The following ADCY2 variants were observed in gnomAD, a reference collection of about 807,000 sequenced individuals.
ADCY2 encodes the protein adenylate cyclase type 2.
Under a neutral mutation model 125.2 loss-of-function variants are expected in ADCY2, and 31 were observed. The ratio of observed to expected loss-of-function variants is 0.25; its 90% CI spans 0.19 to 0.33. ADCY2 has a LOEUF of 0.33. ADCY2 is among the 10% of genes least tolerant of loss of function. The probability of loss-of-function intolerance (pLI) is 1.00; values close to 1 mark genes in which losing one functional copy is unlikely to be tolerated. For synonymous variants in ADCY2, 512 were observed against 548.4 expected, an observed-to-expected ratio of 0.93 and a Z score of 0.93; for missense variants, 904 against 1,418.2, an observed-to-expected ratio of 0.64 and a Z score of 5.82.
chr5:7,804,723 G>A (rs1744704580), intron 22 of ADCY2, 31 bp downstream of exon 22: 2 of 1,564,316 alleles, frequency 1.3e-6, no homozygotes, highest in Admixed American at 3.3e-5. Context: ...AACGGCACAG[G>A]TGAGCCTCAA....
intron 2 of ADCY2, among the ~76,000 whole-genome samples, chr5:7,470,273 T>C (rs1376432051): frequency 6.6e-6 from 1 of 151,736 alleles, no homozygotes; most frequent in Non-Finnish European, 1.5e-5. Flanking sequence ...GTGACCAGGA[T>C]AGTGGTTGTT....
intron 4 of ADCY2, among the ~76,000 whole-genome samples, chr5:7,652,117 A>C (rs1739117712): frequency 6.6e-6 from 1 of 152,178 alleles, no homozygotes; most frequent in African/African-American, 2.4e-5. Context: ...TCTTTTAAAA[A>C]TCACTTTAAC....
intron 4 of ADCY2, among the ~76,000 whole-genome samples, chr5:7,686,086 C>T (rs373401776): frequency 7.2e-5 from 11 of 152,100 alleles, no homozygotes; most frequent in South Asian, 4.1e-4. Context: ...GTTATCCTCC[C>T]GTTTGGAAAG....
intron 14 of ADCY2, among the ~76,000 whole-genome samples, chr5:7,730,932 C>T (rs1208159393): frequency 6.6e-6 from 1 of 152,048 alleles, no homozygotes; most frequent in African/African-American, 2.4e-5. Context: ...CATATCTCTG[C>T]TCAGTTCTGG....
At chr5:7,678,476 G>A (rs1452703579) in intron 4 of ADCY2, among the ~76,000 whole-genome samples, 2 of 152,148 alleles carry the variant, frequency 1.3e-5, no homozygotes, top group Non-Finnish European at 2.9e-5. Flanking sequence ...GGAAATCTAT[G>A]CATGCATATC....
rs11388337 is a variant in ADCY2 at position 7,768,036 on chromosome 5, G to GAA, written c.2214+1240_2214+1241dup. Among the ~76,000 whole-genome samples the GAA allele has an allele frequency of 7.6e-4, 111 of 147,002 alleles. 1 individual carries two copies. Among genetic ancestry groups the GAA allele is most frequent in the Admixed American group, 9.5e-4 (14 of 14,814 alleles). Reference sequence around the variant, plus strand: ...ACAGAGTGAGATTCTGTCTCAAAAAGAAAAAAAAAAAGAAGTGGCTTCTGG... The same window carrying GAA: ...ACAGAGTGAGATTCTGTCTCAAAAAGAAAAAAAAAAAAAGAAGTGGCTTCTGG... On this transcript the variant is annotated intron_variant, in intron 17 of 24. Transcript: ENST00000338316.
At chr5:7,698,747 A>G (rs987046282) in intron 7 of ADCY2, among the ~76,000 whole-genome samples, 1 of 152,184 alleles carries the variant, frequency 6.6e-6, no homozygotes, top group Non-Finnish European at 1.5e-5. Flanking sequence ...ATAGTATTCC[A>G]TGGTGTATAT....
At chr5:7,633,231 G>A (rs911278585) in intron 4 of ADCY2, among the ~76,000 whole-genome samples, 1 of 151,978 alleles carries the variant, frequency 6.6e-6, no homozygotes. Flanking sequence ...AGGAGTTTGA[G>A]ACCAGCCTGG....
At chr5:7,666,232 A>G (rs1224249424) in intron 4 of ADCY2, among the ~76,000 whole-genome samples, 2 of 152,002 alleles carry the variant, frequency 1.3e-5, no homozygotes, top group African/African-American at 4.8e-5. Context: ...CATGTTAAAG[A>G]GGCCATTTCC....
intron 2 of ADCY2, among the ~76,000 whole-genome samples, chr5:7,520,502 G>T (rs140541973): frequency 5.9e-5 from 9 of 152,290 alleles, no homozygotes; most frequent in Middle Eastern, 3.4e-3. Context: ...GAGTGGTTTG[G>T]ATACCAAAGT....
At chr5:7,765,888 C>T (rs374442433) in intron 16 of ADCY2, among the ~76,000 whole-genome samples, 28 of 152,080 alleles carry the variant, frequency 1.8e-4, no homozygotes, top group African/African-American at 6.0e-4. Flanking sequence ...GTGGCTGATC[C>T]GTGGGTATTT....
At chr5:7,539,620 A>G (rs1367247714) in intron 3 of ADCY2, among the ~76,000 whole-genome samples, 1 of 152,238 alleles carries the variant, frequency 6.6e-6, no homozygotes, top group African/African-American at 2.4e-5. Flanking sequence ...GAGTGAGATT[A>G]TGAGCAGCAA....
At chr5:7,397,444 A>AG (rs1002660303) in intron 1 of ADCY2, among the ~76,000 whole-genome samples, 8 of 63,840 alleles carry the variant, frequency 1.3e-4, no homozygotes, top group African/African-American at 3.3e-4. Context: ...TCCACCAGTG[A>AG]GTTTTTTTTT....
At chr5:7,763,242 C>T (rs969543767) in intron 16 of ADCY2, among the ~76,000 whole-genome samples, 10 of 152,018 alleles carry the variant, frequency 6.6e-5, no homozygotes, top group African/African-American at 2.2e-4. Context: ...AGGCGCCCGC[C>T]ACCACGCCCG....
At chr5:7,789,986 G>T (rs561969360) in intron 20 of ADCY2, among the ~76,000 whole-genome samples, 186 bp downstream of exon 20, 1 of 152,230 alleles carries the variant, frequency 6.6e-6, no homozygotes, top group Non-Finnish European at 1.5e-5. Flanking sequence ...AGAGATATCC[G>T]TTGAGAATAG....
intron 4 of ADCY2, among the ~76,000 whole-genome samples, chr5:7,656,080 G>A (rs1185906856): frequency 6.9e-6 from 1 of 145,154 alleles, no homozygotes; most frequent in South Asian, 2.2e-4. Context: ...TTGAGAAGGA[G>A]TTTCACTCTT....
intron 2 of ADCY2, among the ~76,000 whole-genome samples, chr5:7,483,502 A>T (rs1000479215): frequency 1.3e-5 from 2 of 152,226 alleles, no homozygotes; most frequent in African/African-American, 2.4e-5. Context: ...TCATTTCATG[A>T]ATGTCATGTA....
At chr5:7,726,932 G>A (rs931146673) in intron 13 of ADCY2, among the ~76,000 whole-genome samples, 2 of 152,156 alleles carry the variant, frequency 1.3e-5, no homozygotes, top group African/African-American at 4.8e-5. Flanking sequence ...ATGGGTTTGA[G>A]AACAGTTCCA....
rs968056546 is a variant in ADCY2, at chr5:7,418,648, T to G, written c.408+3878T>G. Among the ~76,000 whole-genome samples the G allele has an allele frequency of 1.5e-4, 11 of 72,064 alleles. No individual in the cohort carries two copies. The South Asian group carries it at 4.3e-3, about 28-fold the overall frequency. The allele number at this position is 72,064 out of a possible 152,430, so 47.3% of individuals were successfully genotyped here. On this transcript the variant is annotated intron_variant, in intron 2 of 24. Transcript: ENST00000338316. ...ATTAAAAACAAAAGTCTACCTTCTGTTTTTTTTTTTTTTTTTTTTTTTTTT... is the reference window on the plus strand; with the variant it reads ...ATTAAAAACAAAAGTCTACCTTCTGGTTTTTTTTTTTTTTTTTTTTTTTTT...
Sources: allele counts gnomAD v4.1 joint callset (sites outside exome capture counted in the v4.1 genomes callset), GRCh38; gene constraint gnomAD v4.1.1; transcripts MANE v1.5; gene names NCBI Gene and HGNC (gene_info 2026-07-23, HGNC 2026-07-21).